The following DHRSX variants were observed in gnomAD, a reference collection of about 807,000 sequenced individuals.
DHRSX encodes the protein dehydrogenase/reductase X-linked.
DHRSX carries 31 observed loss-of-function variants against 34.0 expected under a neutral mutation model. The observed-to-expected ratio is 0.91, with a 90% CI of 0.69 to 1.23. The LOEUF (loss-of-function observed/expected upper bound fraction) is 1.23. Ranked by LOEUF, DHRSX falls within the 50% of genes most tolerant of loss-of-function variation. DHRSX has a pLI of 0.00. For missense variants in DHRSX, 414 were observed against 428.1 expected (o/e 0.97, Z 0.29); for synonymous variants, 201 against 183.8 (o/e 1.09, Z -0.76).
chrX:2,237,753 C>T (rs962951013), intron 6 of DHRSX, among the ~76,000 whole-genome samples: 32 of 152,116 alleles, frequency 2.1e-4, no homozygotes, highest in Non-Finnish European at 4.1e-4. Context: ...GATCCTCCCC[C>T]TCAGCCTCCC....
intron 3 of DHRSX, among the ~76,000 whole-genome samples, chrX:2,357,660 A>C (rs2042872894): frequency 6.6e-6 from 1 of 151,708 alleles, no homozygotes; most frequent in Non-Finnish European, 1.5e-5. Flanking sequence ...CCGATATGGG[A>C]AAACGAGATT....
chrX:2,408,371 G>A (rs2043585301), intron 3 of DHRSX, among the ~76,000 whole-genome samples: 1 of 152,052 alleles, frequency 6.6e-6, no homozygotes, highest in South Asian at 2.1e-4. Context: ...ACTGCGCCCG[G>A]CCTGATTTAT....
At chrX:2,341,441 T>C (rs1474381058) in intron 3 of DHRSX, among the ~76,000 whole-genome samples, 23 of 152,126 alleles carry the variant, frequency 1.5e-4, no homozygotes, top group Non-Finnish European at 2.8e-4. Flanking sequence ...CCTGGGCTTA[T>C]GGCCGCATCA....
intron 6 of DHRSX, among the ~76,000 whole-genome samples, chrX:2,241,646 C>T (rs761433774): frequency 3.3e-5 from 5 of 152,202 alleles, no homozygotes; most frequent in African/African-American, 1.2e-4. Flanking sequence ...CAGTGGCTCA[C>T]ACCTATCATC....
intron 1 of DHRSX, among the ~76,000 whole-genome samples, chrX:2,452,984 A>C (rs1329083876): frequency 1.3e-5 from 2 of 152,184 alleles, no homozygotes; most frequent in East Asian, 3.8e-4. Flanking sequence ...GTGTCAATCA[A>C]CAGATGAGTG....
At position 2,387,734 on chromosome X, in the gene DHRSX, C is replaced by CT. The variant is rs749492494; in HGVS notation, c.286+21010dup. 6.7e-4 allele frequency among the ~76,000 whole-genome samples: 102 copies of CT among 151,908 alleles called. 2 individuals are homozygous for CT. The South Asian group carries it at 0.021, about 31-fold the overall frequency. On this transcript the variant is annotated intron_variant, in intron 3 of 6. Coordinates refer to ENST00000334651, the MANE Select transcript of DHRSX (RefSeq NM_145177.3). ...ATCCTTCAATCCAATCAAGTTTACT[C>CT]TAAGTATTAATCATCGCAGAACCCA...
intron 1 of DHRSX, among the ~76,000 whole-genome samples, chrX:2,437,135 T>C (rs5939315): frequency 0.7 from 105,992 of 151,824 alleles, 38,027 homozygotes; most frequent in East Asian, 0.97. Flanking sequence ...GTAGCTGGGA[T>C]TACAGGTGCC....
intron 1 of DHRSX, among the ~76,000 whole-genome samples, chrX:2,475,276 G>A (rs2044660480): frequency 6.6e-6 from 1 of 151,174 alleles, no homozygotes; most frequent in Non-Finnish European, 1.5e-5. Flanking sequence ...TACAACTGAA[G>A]ACGTTCCCTA....
Position 2,236,757 on chromosome X carries a change from G to A in DHRSX, c.804+6266C>T, listed in dbSNP as rs188695412. 1.6e-3 allele frequency among the ~76,000 whole-genome samples: 236 copies of A among 152,194 alleles called. 3 individuals are homozygous for A. The highest frequency in any genetic ancestry group is 3.4e-3 in the Middle Eastern group (1 of 294). On this transcript the variant is annotated intron_variant, in intron 6 of 6. Transcript: ENST00000334651. Reference sequence around the variant, plus strand: ...ACCTGGAGCATTTTCAGTGGAGCATGGGGGACTGGAAGTGAATTGTATGAG... The same window carrying A: ...ACCTGGAGCATTTTCAGTGGAGCATAGGGGACTGGAAGTGAATTGTATGAG...
At chrX:2,294,694 A>AAG (rs2041909246) in intron 3 of DHRSX, among the ~76,000 whole-genome samples, 1 of 151,432 alleles carries the variant, frequency 6.6e-6, no homozygotes, top group Admixed American at 6.6e-5. Context: ...GAAAGAGGCA[A>AAG]AGAGAGAGAG....
Position 2,308,517 on chromosome X carries a change from G to A in DHRSX, c.287-16914C>T, listed in dbSNP as rs1306059856. The stretch of plus-strand genomic sequence containing the variant: ...GACAGCAATGATTGAAGTCTAAAAC[G>A]TTAATGGAACAAGGAGGATCATCGC... On this transcript the variant is annotated intron_variant, in intron 3 of 6. Coordinates refer to ENST00000334651, the MANE Select transcript of DHRSX (RefSeq NM_145177.3). Among the ~76,000 whole-genome samples the A allele has an allele frequency of 3.3e-5, 5 of 152,078 alleles. No homozygotes were observed. The South Asian group carries it at 1.0e-3, about 32-fold the overall frequency.
intron 2 of DHRSX, among the ~76,000 whole-genome samples, chrX:2,421,771 C>T (rs1451426795): frequency 1.3e-5 from 2 of 152,184 alleles, no homozygotes; most frequent in Non-Finnish European, 2.9e-5. Context: ...GCTCAGAACG[C>T]TAGCAGCTAT....
chrX:2,293,335 T>G (rs2041890686), intron 3 of DHRSX, among the ~76,000 whole-genome samples: 1 of 150,900 alleles, frequency 6.6e-6, no homozygotes. Flanking sequence ...AGGTATATAA[T>G]TCTGCCTCCA....
intron 1 of DHRSX, among the ~76,000 whole-genome samples, chrX:2,498,562 C>T (rs1240257674): frequency 6.7e-6 from 1 of 149,804 alleles, no homozygotes; most frequent in Non-Finnish European, 1.5e-5. Flanking sequence ...TTGGCAGACA[C>T]GTGACTTCAC....
intron 3 of DHRSX, among the ~76,000 whole-genome samples, chrX:2,319,975 C>T (rs1377669698): frequency 2.6e-5 from 4 of 151,866 alleles, no homozygotes; most frequent in Non-Finnish European, 4.4e-5. Context: ...ATTACAGGCA[C>T]GCACCACCAT....
At position 2,243,200 on chromosome X, in the gene DHRSX, G is replaced by A; in HGVS notation, c.627C>T (p.Ala209=). The A allele has an allele frequency of 6.2e-7, 1 of 1,613,852 alleles. No individual in the cohort carries two copies. Among genetic ancestry groups the A allele is most frequent in the Non-Finnish European group, 8.5e-7 (1 of 1,179,866 alleles). The change falls in exon 6 of 7, where the codon GCC becomes GCT. Residue 209 remains alanine (A), a synonymous_variant. Coordinates refer to ENST00000334651, the MANE Select transcript of DHRSX (RefSeq NM_145177.3). ...ACAGGACAAGGGCCAGCTTGCTCTG[G>A]GCGTAGGCTGCGTGGGGTGAGTAGC... ...SACYSPHAAY[A]QSKLALVLFT...
At chrX:2,309,378 G>A (rs938257420) in intron 3 of DHRSX, among the ~76,000 whole-genome samples, 1 of 152,046 alleles carries the variant, frequency 6.6e-6, no homozygotes, top group Non-Finnish European at 1.5e-5. Context: ...GGCAGGAATT[G>A]CTTGATGAGT....
At chrX:2,395,772 C>G (rs1467654587) in intron 3 of DHRSX, among the ~76,000 whole-genome samples, 1 of 152,130 alleles carries the variant, frequency 6.6e-6, no homozygotes, top group Non-Finnish European at 1.5e-5. Context: ...GACTATGTCT[C>G]CCCAAGTTCT....
At position 2,370,096 on chromosome X, in the gene DHRSX, C is replaced by G. The variant is rs149825211; in HGVS notation, c.286+38649G>C. Reference sequence around the variant, plus strand: ...GGCACAGATGAACCAAGCTCACCTTCCTGACAATGACACCTGCAGATGGCA... The same window carrying G: ...GGCACAGATGAACCAAGCTCACCTTGCTGACAATGACACCTGCAGATGGCA... On this transcript the variant is annotated intron_variant, in intron 3 of 6. Transcript: ENST00000334651. Among the ~76,000 whole-genome samples, 4 of 152,266 alleles carry G rather than the reference C, an allele frequency of 2.6e-5. No homozygotes were observed. The East Asian group carries it at 7.7e-4, about 29-fold the overall frequency.
Sources: allele counts gnomAD v4.1 joint callset (sites outside exome capture counted in the v4.1 genomes callset), GRCh38; gene constraint gnomAD v4.1.1; transcripts MANE v1.5; gene names NCBI Gene and HGNC (gene_info 2026-07-23, HGNC 2026-07-21).